NDUFAB1: variants seen among roughly 807,000 people sequenced by gnomAD.
NDUFAB1 encodes NADH:ubiquinone oxidoreductase subunit AB1.
NDUFAB1 carries 5 observed loss-of-function variants against 16.1 expected under a neutral mutation model. The observed-to-expected ratio is 0.31, with a 90% CI of 0.16 to 0.65. The LOEUF (loss-of-function observed/expected upper bound fraction) is 0.65, where lower values mean the gene tolerates loss of function less well. Among genes scored for constraint, NDUFAB1 ranks in the 30% least tolerant of loss-of-function variants. The pLI is 0.77. For synonymous variants in NDUFAB1, 85 were observed against 78.4 expected (o/e 1.08, Z -0.44); for missense variants, 187 against 205.3 (o/e 0.91, Z 0.54).
intron 1 of NDUFAB1, chr16:23,595,556 C>CAA: frequency 2.2e-6 from 1 of 455,632 alleles, no homozygotes; most frequent in Non-Finnish European, 4.4e-6. Context: ...TGGACCCGCG[C>CAA]AATTCAAATC....
Position 23,587,263 on chromosome 16 carries a change from C to T in NDUFAB1, c.225G>A (p.Thr75=), listed in dbSNP as rs139679834. 6,544 of 1,613,996 alleles carry T rather than the reference C, an allele frequency of 4.1e-3. 30 individuals carry two copies. The highest frequency in any genetic ancestry group is 5.1e-3 in the Non-Finnish European group (6,038 of 1,179,896). ...GAACACGGTCCTGGATGCCCTCTAA[C>T]GTCAAAGGAGGCATGTCGCTATACT... is the stretch of plus-strand genomic sequence containing the variant. ...CRQYSDMPPL[T]LEGIQDRVLY... Residue 75 remains threonine (T), a synonymous_variant, in exon 2 of 5, where the codon ACG becomes ACA. Transcript: ENST00000007516.
intron 2 of NDUFAB1, 137 bp downstream of exon 2, chr16:23,587,060 G>T (rs1433108160): frequency 2.6e-6 from 2 of 756,006 alleles, no homozygotes; most frequent in East Asian, 5.3e-5. Flanking sequence ...AACTGGTAGC[G>T]CTGGCTATCT....
intron 3 of NDUFAB1, among the ~76,000 whole-genome samples, chr16:23,583,214 A>T (rs1297729182): frequency 6.6e-6 from 1 of 152,212 alleles, no homozygotes; most frequent in Non-Finnish European, 1.5e-5. Flanking sequence ...AAGTGCCGAG[A>T]TTGCAGCCTC....
intron 1 of NDUFAB1, among the ~76,000 whole-genome samples, chr16:23,594,678 G>T (rs1489207312): frequency 2.7e-5 from 4 of 150,208 alleles, no homozygotes; most frequent in Non-Finnish European, 5.9e-5. Context: ...TGTAGAGACG[G>T]GGTTCCACCA....
At chr16:23,592,560 T>C (rs946218109) in intron 1 of NDUFAB1, among the ~76,000 whole-genome samples, 6 of 152,112 alleles carry the variant, frequency 3.9e-5, no homozygotes, top group African/African-American at 1.4e-4. Context: ...AGTGCTGTCT[T>C]CATCTGCGTA....
chr16:23,586,628 C>T lies in NDUFAB1; in HGVS notation c.291+569G>A, dbSNP rs1324926363. Among the ~76,000 whole-genome samples, 10 of 151,928 alleles carry T rather than the reference C, an allele frequency of 6.6e-5. No homozygotes were observed. In the East Asian group the frequency reaches 1.4e-3, roughly 21 times the overall value. On this transcript the variant is annotated intron_variant, in intron 2 of 4. Transcript: ENST00000007516. ...GATTACAGGCGTGAGCTACCACGCCCGGCCCCACTTGTGTTTTTATTATTT... is the reference window on the plus strand; with the variant it reads ...GATTACAGGCGTGAGCTACCACGCCTGGCCCCACTTGTGTTTTTATTATTT...
intron 2 of NDUFAB1, among the ~76,000 whole-genome samples, chr16:23,586,138 G>T (rs569736803): frequency 4.3e-4 from 65 of 152,190 alleles, no homozygotes; most frequent in South Asian, 2.1e-3. Flanking sequence ...ATGTTAGTCA[G>T]GCTGGTCTCG....
At chr16:23,586,062 G>C (rs371218632) in intron 2 of NDUFAB1, among the ~76,000 whole-genome samples, 5 of 152,000 alleles carry the variant, frequency 3.3e-5, no homozygotes, top group African/African-American at 1.2e-4. Flanking sequence ...CGAGTAGCTG[G>C]GATTATAGGC....
Position 23,583,850 on chromosome 16 carries a change from A to T in NDUFAB1, c.380-1475T>A, listed in dbSNP as rs1024965603. Reference sequence around the variant, plus strand: ...AATGTGGGGAAAAGATAGAGAAATCAGATTGTTGCTGTGTCTGTGTAGAAA... The same window carrying T: ...AATGTGGGGAAAAGATAGAGAAATCTGATTGTTGCTGTGTCTGTGTAGAAA... On this transcript the variant is annotated intron_variant, in intron 3 of 4. Coordinates refer to ENST00000007516, the MANE Select transcript of NDUFAB1 (RefSeq NM_005003.3). 3.3e-5 allele frequency among the ~76,000 whole-genome samples: 5 copies of T among 152,304 alleles called. No individual in the cohort carries two copies. The South Asian group carries it at 8.3e-4, about 25-fold the overall frequency.
intron 2 of NDUFAB1, among the ~76,000 whole-genome samples, chr16:23,586,804 A>G (rs1457651089): frequency 1.3e-5 from 2 of 151,864 alleles, no homozygotes; most frequent in Non-Finnish European, 2.9e-5. Flanking sequence ...ATGTGCCACC[A>G]TGCCCGGCTA....
chr16:23,593,012 C>T (rs1232865382), intron 1 of NDUFAB1, among the ~76,000 whole-genome samples: 7 of 152,166 alleles, frequency 4.6e-5, no homozygotes, highest in Admixed American at 3.9e-4. Flanking sequence ...AAGGGTTAGG[C>T]ACACCAGGTG....
rs1019355255 is a variant in NDUFAB1, at chr16:23,585,269, C to T, written c.379+67G>A. 71 of 1,170,546 alleles carry T rather than the reference C, an allele frequency of 6.1e-5. No individual in the cohort carries two copies. In the East Asian group the frequency reaches 1.6e-3, roughly 27 times the overall value. 72.5% of individuals were successfully genotyped at this position (1,170,546 alleles called of 1,614,324 possible). A position where few individuals can be genotyped will look rare whatever the true frequency, so the allele number is the denominator to read the frequency against. On this transcript the variant is annotated intron_variant, in intron 3 of 4. Coordinates refer to ENST00000007516, the MANE Select transcript of NDUFAB1 (RefSeq NM_005003.3). ...ATTCTAATTCCAATTCAGACGCCCA[C>T]CACTTCTTTCAGTTTAATCCACCTT...
chr16:23,589,298 A>AG (rs1469699672), intron 1 of NDUFAB1, among the ~76,000 whole-genome samples: 1 of 151,370 alleles, frequency 6.6e-6, no homozygotes, highest in African/African-American at 2.4e-5. Flanking sequence ...TTCCGTCTCA[A>AG]GAAAAAAAAA....
At chr16:23,586,800 C>G (rs1450543285) in intron 2 of NDUFAB1, among the ~76,000 whole-genome samples, 6 of 152,112 alleles carry the variant, frequency 3.9e-5, no homozygotes, top group Non-Finnish European at 7.3e-5. Flanking sequence ...AGGTATGTGC[C>G]ACCATGCCCG....
intron 4 of NDUFAB1, 119 bp downstream of exon 4, chr16:23,582,157 T>G: frequency 8.0e-7 from 1 of 1,253,794 alleles, no homozygotes; most frequent in Non-Finnish European, 1.0e-6. Context: ...GGGCTTGCAT[T>G]TTATAAGTAG....
intron 1 of NDUFAB1, among the ~76,000 whole-genome samples, chr16:23,593,573 G>A (rs1009710167): frequency 5.3e-5 from 8 of 152,250 alleles, no homozygotes; most frequent in African/African-American, 1.9e-4. Flanking sequence ...AAGCCAAGCC[G>A]CCATAGTGGA....
chr16:23,587,047 T>G (rs1321584689), intron 2 of NDUFAB1, 150 bp downstream of exon 2: 1 of 680,314 alleles, frequency 1.5e-6, no homozygotes, highest in African/African-American at 1.8e-5. Flanking sequence ...GAAACATACA[T>G]GAAACTGGTA....
At chr16:23,586,040 C>A (rs1023302902) in intron 2 of NDUFAB1, among the ~76,000 whole-genome samples, 1 of 151,866 alleles carries the variant, frequency 6.6e-6, no homozygotes, top group African/African-American at 2.4e-5. Context: ...CAATTCTCAC[C>A]CCTCAGACTC....
intron 2 of NDUFAB1, 117 bp downstream of exon 2, chr16:23,587,080 G>A: frequency 1.0e-6 from 1 of 989,868 alleles, no homozygotes; most frequent in Non-Finnish European, 1.5e-6. Flanking sequence ...TCCCAGAATG[G>A]GCCTGGGTGT....
Sources: allele counts gnomAD v4.1 joint callset (sites outside exome capture counted in the v4.1 genomes callset), GRCh38; gene constraint gnomAD v4.1.1; transcripts MANE v1.5; gene names NCBI Gene and HGNC (gene_info 2026-07-23, HGNC 2026-07-21).